The following CDC14B variants were observed in gnomAD, a reference collection of about 807,000 sequenced individuals.
CDC14B encodes dual specificity protein phosphatase CDC14B.
A neutral mutation model predicts 64.2 loss-of-function variants in CDC14B; 22 were observed. The ratio of observed to expected loss-of-function variants is 0.34; its 90% CI spans 0.24 to 0.49. The LOEUF is 0.49. Ranked by LOEUF, CDC14B falls within the 20% of genes least tolerant of loss-of-function variation. The pLI is 0.99. For synonymous variants in CDC14B, 191 were observed against 215.8 expected, an observed-to-expected ratio of 0.89 and a Z score of 1.01; for missense variants, 498 against 629.9, an observed-to-expected ratio of 0.79 and a Z score of 2.24.
At position 96,518,961 on chromosome 9, in the gene CDC14B, C is replaced by A. The variant is rs575817558; in HGVS notation, c.1343+3545G>T. Reference sequence around the variant, plus strand: ...ACCATCCTGGCTAACACAGTGAAACCCTGTCTCTACTAAAAATACAAAAAT... The same window carrying A: ...ACCATCCTGGCTAACACAGTGAAACACTGTCTCTACTAAAAATACAAAAAT... On this transcript the variant is annotated intron_variant, in intron 12 of 13. Transcript: ENST00000375241. Among the ~76,000 whole-genome samples the A allele has an allele frequency of 1.8e-3, 279 of 151,814 alleles. 4 individuals carry two copies. The highest frequency in any genetic ancestry group is 2.0e-3 in the Non-Finnish European group (135 of 67,968).
intron 1 of CDC14B, among the ~76,000 whole-genome samples, chr9:96,573,905 T>C (rs774683460): frequency 2.9e-4 from 44 of 152,094 alleles, no homozygotes; most frequent in Non-Finnish European, 4.7e-4. Context: ...CCCAGCACTT[T>C]GGGAGGCCGA....
At chr9:96,542,604 T>A (rs1840219997) in intron 5 of CDC14B, among the ~76,000 whole-genome samples, 1 of 151,838 alleles carries the variant, frequency 6.6e-6, no homozygotes, top group South Asian at 2.1e-4. Context: ...TCCTCCCACC[T>A]CAGTGTCCCC....
chr9:96,578,138 TAAA>T (rs1285215675), intron 1 of CDC14B, among the ~76,000 whole-genome samples: 1 of 152,146 alleles, frequency 6.6e-6, no homozygotes, highest in East Asian at 1.9e-4. Flanking sequence ...AATAGTCAAA[TAAA>T]GAACAATTTG....
chr9:96,514,607 G>T, intron 12 of CDC14B: 1 of 985,412 alleles, frequency 1.0e-6, no homozygotes, highest in Non-Finnish European at 1.2e-6. Context: ...GGTTGCAATG[G>T]AATTTTTCTT....
intron 4 of CDC14B, among the ~76,000 whole-genome samples, chr9:96,555,395 C>CCCTTAGACATGGACCCT (rs1842379635): frequency 6.6e-6 from 1 of 152,194 alleles, no homozygotes; most frequent in Admixed American, 6.5e-5. Context: ...TGACTGAGCC[C>CCCTTAGACATGGACCCT]CCTTAGACAT....
intron 1 of CDC14B, among the ~76,000 whole-genome samples, chr9:96,609,312 A>G (rs1413745887): frequency 6.6e-6 from 1 of 152,186 alleles, no homozygotes; most frequent in Admixed American, 6.6e-5. Flanking sequence ...TTTCCAACAC[A>G]CAATTCTTTC....
chr9:96,529,216 C>T (rs561499130), intron 9 of CDC14B, among the ~76,000 whole-genome samples: 3 of 152,182 alleles, frequency 2.0e-5, no homozygotes, highest in African/African-American at 7.2e-5. Flanking sequence ...AGTTTTAAGT[C>T]CTATATTTAG....
intron 1 of CDC14B, among the ~76,000 whole-genome samples, chr9:96,587,104 C>T (rs1050922158): frequency 6.6e-6 from 1 of 152,034 alleles, no homozygotes; most frequent in South Asian, 2.1e-4. Flanking sequence ...ACCCAGGAAG[C>T]GGTGGCTGCA....
chr9:96,612,496 G>A (rs919673459), intron 1 of CDC14B, among the ~76,000 whole-genome samples: 1 of 152,162 alleles, frequency 6.6e-6, no homozygotes, highest in East Asian at 1.9e-4. Context: ...TGAAAGCATC[G>A]AGGCTCCAAA....
At chr9:96,525,375 C>A (rs780843117) in intron 9 of CDC14B, among the ~76,000 whole-genome samples, 3 of 151,996 alleles carry the variant, frequency 2.0e-5, no homozygotes, top group Non-Finnish European at 2.9e-5. Flanking sequence ...CTTTGTCCTT[C>A]AAGAAAAGGA....
At chr9:96,577,001 C>T (rs1588019935) in intron 1 of CDC14B, among the ~76,000 whole-genome samples, 2 of 152,042 alleles carry the variant, frequency 1.3e-5, no homozygotes, top group African/African-American at 2.4e-5. Flanking sequence ...GCTTGTAATC[C>T]CAACACTTTG....
At chr9:96,567,982 T>C (rs1844210223) in intron 1 of CDC14B, among the ~76,000 whole-genome samples, 1 of 152,198 alleles carries the variant, frequency 6.6e-6, no homozygotes, top group African/African-American at 2.4e-5. Flanking sequence ...AATTAAAATA[T>C]ATTCTAAACC....
intron 1 of CDC14B, among the ~76,000 whole-genome samples, chr9:96,585,975 T>C (rs192079408): frequency 1.1e-3 from 175 of 152,334 alleles, no homozygotes; most frequent in African/African-American, 3.9e-3. Flanking sequence ...GAGTTTGTTT[T>C]ATGATTCCAT....
At chr9:96,535,287 A>G (rs1839124947) in intron 7 of CDC14B, among the ~76,000 whole-genome samples, 1 of 152,220 alleles carries the variant, frequency 6.6e-6, no homozygotes, top group South Asian at 2.1e-4. Flanking sequence ...AGCCTGGGCA[A>G]CAAGAGCGAA....
intron 1 of CDC14B, among the ~76,000 whole-genome samples, chr9:96,568,242 G>A (rs984709381): frequency 6.6e-6 from 1 of 152,078 alleles, no homozygotes; most frequent in African/African-American, 2.4e-5. Flanking sequence ...TTTAAACCAT[G>A]AATTCTTTTT....
intron 1 of CDC14B, among the ~76,000 whole-genome samples, chr9:96,575,410 T>C (rs1844743013): frequency 6.6e-6 from 1 of 152,178 alleles, no homozygotes; most frequent in Non-Finnish European, 1.5e-5. Context: ...CCTGGACATC[T>C]CCCCCAACAT....
chr9:96,573,651 T>C (rs1844606180), intron 1 of CDC14B, among the ~76,000 whole-genome samples: 1 of 151,462 alleles, frequency 6.6e-6, no homozygotes, highest in Non-Finnish European at 1.5e-5. Context: ...ATAAAGGAAT[T>C]AAATGTAATA....
intron 13 of CDC14B, among the ~76,000 whole-genome samples, chr9:96,509,268 G>A (rs1389661026): frequency 6.6e-6 from 1 of 152,154 alleles, no homozygotes; most frequent in African/African-American, 2.4e-5. Context: ...GAGTCACTAG[G>A]TAGAGAAGGA....
At chr9:96,556,667 TA>T (rs1454113508) in intron 4 of CDC14B, among the ~76,000 whole-genome samples, 1 of 152,126 alleles carries the variant, frequency 6.6e-6, no homozygotes, top group Non-Finnish European at 1.5e-5. Context: ...AACACGTATC[TA>T]CCAAGTCTGC....
Sources: gnomAD v4.1 joint callset for allele counts (sites outside exome capture counted in the v4.1 genomes callset) on GRCh38, gnomAD v4.1.1 for gene constraint, MANE v1.5 for transcripts, NCBI Gene and HGNC (gene_info 2026-07-23, HGNC 2026-07-21) for gene names.